PITPNC1: variants seen among roughly 807,000 people sequenced by gnomAD.
PITPNC1 encodes cytoplasmic phosphatidylinositol transfer protein 1.
In PITPNC1, 18 loss-of-function variants were observed where a neutral mutation model predicts 44.7. The observed-to-expected ratio is 0.40, with a 90% CI of 0.28 to 0.60. The LOEUF (loss-of-function observed/expected upper bound fraction) is 0.60. PITPNC1 is among the 20% of genes least tolerant of loss of function. The pLI, the probability that PITPNC1 is intolerant of heterozygous loss-of-function variation, is 0.39. For missense variants in PITPNC1, 290 were observed against 418.4 expected, an observed-to-expected ratio of 0.69 and a Z score of 2.68; for synonymous variants, 141 against 149.6, an observed-to-expected ratio of 0.94 and a Z score of 0.42.
chr17:67,451,074 C>A (rs1243343336), intron 1 of PITPNC1, among the ~76,000 whole-genome samples: 2 of 152,204 alleles, frequency 1.3e-5, no homozygotes, highest in African/African-American at 4.8e-5. Flanking sequence ...TCTTGTCACT[C>A]AGGCTGGAGT....
intron 1 of PITPNC1, among the ~76,000 whole-genome samples, chr17:67,425,201 A>ATG: frequency 1.6e-5 from 1 of 63,286 alleles, no homozygotes; most frequent in South Asian, 5.1e-4. Context: ...GCGCACGCAC[A>ATG]CGCACACACA....
chr17:67,433,686 G>A (rs915255343), intron 1 of PITPNC1, among the ~76,000 whole-genome samples: 8 of 152,240 alleles, frequency 5.3e-5, no homozygotes, highest in Middle Eastern at 3.4e-3. Flanking sequence ...GCTACAGCCT[G>A]GATAGTAGAG....
intron 6 of PITPNC1, among the ~76,000 whole-genome samples, chr17:67,665,822 T>C (rs2042413889): frequency 6.7e-6 from 1 of 149,708 alleles, no homozygotes; most frequent in African/African-American, 2.5e-5. Flanking sequence ...GAAAGGGTCC[T>C]TGGAGGGGAT....
chr17:67,423,008 A>G (rs1345420034), intron 1 of PITPNC1, among the ~76,000 whole-genome samples: 1 of 150,718 alleles, frequency 6.6e-6, no homozygotes, highest in Non-Finnish European at 1.5e-5. Context: ...TTTTTTTAAC[A>G]TGAGGAAGAG....
chr17:67,630,477 G>A (rs1313731445), intron 5 of PITPNC1, among the ~76,000 whole-genome samples: 2 of 152,074 alleles, frequency 1.3e-5, no homozygotes, highest in Non-Finnish European at 2.9e-5. Flanking sequence ...AAATTGGCCG[G>A]GCTTGGTGGT....
chr17:67,592,135 A>C (rs926374653), intron 5 of PITPNC1, among the ~76,000 whole-genome samples: 1 of 152,186 alleles, frequency 6.6e-6, no homozygotes, highest in African/African-American at 2.4e-5. Context: ...AGAATTTACA[A>C]ATTATCTTAA....
intron 1 of PITPNC1, among the ~76,000 whole-genome samples, chr17:67,522,294 A>G (rs1035058168): frequency 6.6e-6 from 1 of 151,040 alleles, no homozygotes; most frequent in Non-Finnish European, 1.5e-5. Context: ...AGAGAGTGAA[A>G]CTCCATCCCC....
chr17:67,497,134 C>T (rs888292231), intron 1 of PITPNC1, among the ~76,000 whole-genome samples: 20 of 151,906 alleles, frequency 1.3e-4, no homozygotes, highest in African/African-American at 4.1e-4. Context: ...AAGAGCCTGA[C>T]GTTAAAAATA....
chr17:67,387,731 C>T (rs1195476330), intron 1 of PITPNC1, among the ~76,000 whole-genome samples: 1 of 152,152 alleles, frequency 6.6e-6, no homozygotes, highest in Non-Finnish European at 1.5e-5. Context: ...CTATTATCTG[C>T]CTCTCCACGC....
chr17:67,521,200 T>A (rs1021154574), intron 1 of PITPNC1, among the ~76,000 whole-genome samples: 1 of 152,172 alleles, frequency 6.6e-6, no homozygotes, highest in Non-Finnish European at 1.5e-5. Context: ...TTTCAGTTGC[T>A]CTATTTCTAT....
intron 6 of PITPNC1, among the ~76,000 whole-genome samples, chr17:67,649,385 G>A (rs542021896): frequency 3.3e-5 from 5 of 152,360 alleles, no homozygotes; most frequent in African/African-American, 1.2e-4. Flanking sequence ...TAGCACGGGG[G>A]CATCCCCTTG....
chr17:67,451,346 G>T (rs1276063406), intron 1 of PITPNC1, among the ~76,000 whole-genome samples: 4 of 151,834 alleles, frequency 2.6e-5, no homozygotes, highest in African/African-American at 9.7e-5. Flanking sequence ...ATTCTTTTTT[G>T]CACATGATAA....
At chr17:67,423,659 G>C (rs2143871238) in intron 1 of PITPNC1, among the ~76,000 whole-genome samples, 1 of 152,246 alleles carries the variant, frequency 6.6e-6, no homozygotes, top group South Asian at 2.1e-4. Flanking sequence ...AATAAGGATG[G>C]ATGTGCGCCC....
At chr17:67,477,086 T>C (rs1444476909) in intron 1 of PITPNC1, among the ~76,000 whole-genome samples, 1 of 152,092 alleles carries the variant, frequency 6.6e-6, no homozygotes, top group Non-Finnish European at 1.5e-5. Flanking sequence ...GGATGTCTTA[T>C]TTGTTTATTT....
intron 5 of PITPNC1, among the ~76,000 whole-genome samples, chr17:67,631,635 CA>C (rs1374813320): frequency 8.9e-4 from 14 of 15,770 alleles, no homozygotes; most frequent in Admixed American, 3.6e-3. Flanking sequence ...TCTCAAAAAC[CA>C]AAAAAAAAAA....
chr17:67,621,268 C>A (rs1418099954), intron 5 of PITPNC1, among the ~76,000 whole-genome samples: 1 of 147,480 alleles, frequency 6.8e-6, no homozygotes, highest in African/African-American at 2.5e-5. Context: ...AGTGCAATGG[C>A]GCGATCTCAG....
chr17:67,528,140 C>T (rs2916129), intron 1 of PITPNC1, among the ~76,000 whole-genome samples: 1,562 of 152,296 alleles, frequency 0.01, 22 homozygotes, highest in African/African-American at 0.036. Flanking sequence ...TTCCTGGGTT[C>T]AAGTGATTCT....
rs549503859 is a variant in PITPNC1 at position 67,512,517 on chromosome 17, A to C, written c.49-20285A>C. On this transcript the variant is annotated intron_variant, in intron 1 of 8. Transcript: ENST00000581322. ...CTGTGTCTCAAAAAAAAAAAAAAAAAAAAAAACAGCTGGACTTGGAGCCGG... is the reference window on the plus strand; with the variant it reads ...CTGTGTCTCAAAAAAAAAAAAAAAACAAAAAACAGCTGGACTTGGAGCCGG... 3.1e-3 allele frequency among the ~76,000 whole-genome samples: 444 copies of C among 145,376 alleles called. 1 individual carries two copies. The highest frequency in any genetic ancestry group is 9.7e-3 in the African/African-American group (397 of 40,850).
intron 1 of PITPNC1, among the ~76,000 whole-genome samples, chr17:67,488,369 C>T (rs895915080): frequency 2.6e-5 from 4 of 152,184 alleles, no homozygotes; most frequent in Non-Finnish European, 4.4e-5. Flanking sequence ...CCAGACGGCC[C>T]TCCCTGTGCC....
Sources: gnomAD v4.1 joint callset for allele counts (sites outside exome capture counted in the v4.1 genomes callset) on GRCh38, gnomAD v4.1.1 for gene constraint, MANE v1.5 for transcripts, NCBI Gene and HGNC (gene_info 2026-07-23, HGNC 2026-07-21) for gene names.